The following FGGY variants were observed in gnomAD, a reference collection of about 807,000 sequenced individuals.
FGGY encodes FGGY carbohydrate kinase domain containing, also known as FGGY carbohydrate kinase domain-containing protein.
FGGY carries 72 observed loss-of-function variants against 71.3 expected under a neutral mutation model. The ratio of observed to expected loss-of-function variants is 1.01; its 90% CI spans 0.84 to 1.23. The LOEUF is 1.23. Among genes scored for constraint, FGGY ranks in the 50% most tolerant of loss-of-function variants. FGGY has a pLI of 0.00. For synonymous variants in FGGY, 251 were observed against 250.3 expected (o/e 1.00, Z -0.02); for missense variants, 668 against 682.3 (o/e 0.98, Z 0.23).
chr1:59,605,178 C>T (rs1367098792), intron 8 of FGGY, among the ~76,000 whole-genome samples: 1 of 152,172 alleles, frequency 6.6e-6, no homozygotes, highest in Non-Finnish European at 1.5e-5. Flanking sequence ...AGGTACCTCC[C>T]TTGTGTGCTC....
rs2097336014 is a variant in FGGY at position 59,667,441 on chromosome 1, C to T, written c.1417+38C>T. ...AAGAGGAGAGAAGGTCACTTTTTGGCTTGGCAGCAAATGGGCATGGCCAAG... is the reference window on the plus strand; with the variant it reads ...AAGAGGAGAGAAGGTCACTTTTTGGTTTGGCAGCAAATGGGCATGGCCAAG... On this transcript the variant is annotated intron_variant, in intron 13 of 15. Transcript: ENST00000303721. 5 of 1,607,164 alleles carry T rather than the reference C, an allele frequency of 3.1e-6. No homozygotes were observed. The East Asian group carries it at 8.9e-5, about 29-fold the overall frequency.
At chr1:59,311,490 G>T (rs1181874380) in intron 1 of FGGY, among the ~76,000 whole-genome samples, 1 of 152,064 alleles carries the variant, frequency 6.6e-6, no homozygotes, top group Non-Finnish European at 1.5e-5. Context: ...AGAACATGCG[G>T]TGTTTGGTTT....
At chr1:59,479,921 C>G (rs1018049849) in intron 6 of FGGY, among the ~76,000 whole-genome samples, 3 of 152,158 alleles carry the variant, frequency 2.0e-5, no homozygotes, top group Non-Finnish European at 2.9e-5. Context: ...GTCTGTTCTG[C>G]AAGTCCTTGA....
chr1:59,678,963 T>A (rs2097464615), intron 14 of FGGY, among the ~76,000 whole-genome samples: 2 of 152,178 alleles, frequency 1.3e-5, no homozygotes, highest in Admixed American at 6.5e-5. Context: ...AACCACTGAC[T>A]CCATGCACTC....
intron 2 of FGGY, among the ~76,000 whole-genome samples, chr1:59,336,054 C>G (rs2049421389): frequency 6.6e-6 from 1 of 152,010 alleles, no homozygotes; most frequent in South Asian, 2.1e-4. Flanking sequence ...TTTATAAAAT[C>G]TTCATCTAAT....
chr1:59,542,723 C>T (rs1000656421), intron 7 of FGGY, among the ~76,000 whole-genome samples: 6 of 151,858 alleles, frequency 4.0e-5, no homozygotes, highest in African/African-American at 9.7e-5. Context: ...CCCAAAGTGC[C>T]GGGATTACAG....
chr1:59,685,673 T>A (rs1206870627), intron 14 of FGGY, among the ~76,000 whole-genome samples: 1 of 152,218 alleles, frequency 6.6e-6, no homozygotes, highest in Non-Finnish European at 1.5e-5. Context: ...CAGATTGTTT[T>A]AATTCTGGAT....
chr1:59,476,291 G>T (rs2093262522), intron 6 of FGGY, among the ~76,000 whole-genome samples: 1 of 152,150 alleles, frequency 6.6e-6, no homozygotes, highest in South Asian at 2.1e-4. Flanking sequence ...AGTCTTGTCT[G>T]GATGCTTTAT....
At chr1:59,585,672 G>A (rs573007579) in intron 8 of FGGY, among the ~76,000 whole-genome samples, 1 of 152,254 alleles carries the variant, frequency 6.6e-6, no homozygotes, top group East Asian at 1.9e-4. Flanking sequence ...TGACAAATGG[G>A]ATCTCATTAA....
chr1:59,487,666 T>C (rs1359405833), intron 6 of FGGY, among the ~76,000 whole-genome samples: 2 of 152,038 alleles, frequency 1.3e-5, no homozygotes, highest in Non-Finnish European at 2.9e-5. Context: ...GCTTCTCTGA[T>C]ACAGAAACCC....
Position 59,596,319 on chromosome 1 carries a change from A to G in FGGY, c.904-11484A>G, listed in dbSNP as rs74086241. On this transcript the variant is annotated intron_variant, in intron 8 of 15. Coordinates refer to ENST00000303721, the MANE Select transcript of FGGY (RefSeq NM_018291.5). ...TTTTTTCCTGACATAGGAAAATCCC[A>G]TTACCTCTCTTGAATTTACCAAGGG... Among the ~76,000 whole-genome samples, 470 of 151,516 alleles carry G rather than the reference A, an allele frequency of 3.1e-3. 2 individuals carry two copies. The highest frequency in any genetic ancestry group is 0.011 in the African/African-American group (452 of 41,278).
At chr1:59,517,629 ACT>A (rs1403671813) in intron 7 of FGGY, among the ~76,000 whole-genome samples, 2 of 150,998 alleles carry the variant, frequency 1.3e-5, no homozygotes, top group East Asian at 3.9e-4. Flanking sequence ...TGACTTAAGC[ACT>A]CTCTTTTTCC....
At chr1:59,655,372 T>C (rs1278106443) in intron 11 of FGGY, among the ~76,000 whole-genome samples, 1 of 152,168 alleles carries the variant, frequency 6.6e-6, no homozygotes, top group South Asian at 2.1e-4. Context: ...CAACCCGTCA[T>C]CTAGGTTTTC....
intron 14 of FGGY, among the ~76,000 whole-genome samples, chr1:59,749,265 A>G (rs567035541): frequency 2.6e-5 from 4 of 152,160 alleles, no homozygotes; most frequent in African/African-American, 9.7e-5. Context: ...CTAGCAAATT[A>G]TCAAGCCTTG....
chr1:59,344,623 A>G (rs1006154049), intron 3 of FGGY, among the ~76,000 whole-genome samples: 1 of 152,134 alleles, frequency 6.6e-6, no homozygotes, highest in Non-Finnish European at 1.5e-5. Context: ...CCTTAAGACC[A>G]TAACCCACAG....
In FGGY at chr1:59,346,638, C is replaced by G. The variant is rs182570425; in HGVS notation, c.465+240C>G. Among the ~76,000 whole-genome samples, 203 of 152,204 alleles carry G rather than the reference C, an allele frequency of 1.3e-3. 1 individual carries two copies. Among genetic ancestry groups the G allele is most frequent in the African/African-American group, 4.7e-3 (196 of 41,532 alleles). On this transcript the variant is annotated intron_variant, in intron 4 of 15. Transcript: ENST00000303721. ...TACACATTATCTCTTTGAAGGCCAA[C>G]GACCCTATGAAGTGTTTGTGTGTGG...
rs571639017 is a variant in FGGY, at chr1:59,369,284, G to A, written c.466-9465G>A. Among the ~76,000 whole-genome samples the A allele has an allele frequency of 2.4e-4, 37 of 151,758 alleles. No individual in the cohort carries two copies. The South Asian group carries it at 5.9e-3, about 24-fold the overall frequency. ...TATCCTGCACATGGCTCGGAGGGTC[G>A]TACGCCCACGGAGTCTCGCTGATTG... On this transcript the variant is annotated intron_variant, in intron 4 of 15. Coordinates refer to ENST00000303721, the MANE Select transcript of FGGY (RefSeq NM_018291.5).
chr1:59,576,747 A>G (rs576853453), intron 8 of FGGY, among the ~76,000 whole-genome samples: 15 of 151,736 alleles, frequency 9.9e-5, no homozygotes, highest in African/African-American at 3.4e-4. Flanking sequence ...TGATCTTCCA[A>G]AGCATTCAGG....
intron 4 of FGGY, among the ~76,000 whole-genome samples, chr1:59,372,715 T>C (rs1237968625): frequency 6.6e-6 from 1 of 152,144 alleles, no homozygotes; most frequent in Non-Finnish European, 1.5e-5. Context: ...TCCACCATGA[T>C]CAAGTGGCCG....
Sources: allele counts gnomAD v4.1 joint callset (sites outside exome capture counted in the v4.1 genomes callset), GRCh38; gene constraint gnomAD v4.1.1; transcripts MANE v1.5; gene names NCBI Gene and HGNC (gene_info 2026-07-23, HGNC 2026-07-21).